Variants in HAUS7 observed in about 807,000 individuals in gnomAD.
HAUS7 encodes HAUS augmin-like complex subunit 7.
In HAUS7, 3 loss-of-function variants were observed where a neutral mutation model predicts 28.4. The observed-to-expected ratio is 0.11, with a 90% CI of 0.05 to 0.27. The LOEUF (loss-of-function observed/expected upper bound fraction) is 0.27, where lower values mean the gene tolerates loss of function less well. Ranked by LOEUF, HAUS7 falls within the 10% of genes least tolerant of loss-of-function variation. The pLI is 1.00. For missense variants in HAUS7, 284 were observed against 297.3 expected (o/e 0.96, Z 0.33); for synonymous variants, 165 against 132.1 (o/e 1.25, Z -1.71).
chrX:153,485,859 A>T (rs1408530842), intron 1 of HAUS7: 3 of 905,895 alleles, frequency 3.3e-6, no homozygotes, highest in Non-Finnish European at 2.8e-6. Flanking sequence ...ACGCTGCACC[A>T]CGACCACATC....
chrX:153,483,845 G>T (rs2089617708), intron 1 of HAUS7, among the ~76,000 whole-genome samples: 1 of 112,265 alleles, frequency 8.9e-6, no homozygotes, highest in Non-Finnish European at 1.9e-5. Flanking sequence ...GGGCAGCAGT[G>T]GTGGGGAGAG....
intron 3 of HAUS7, 66 bp downstream of exon 3, chrX:153,464,922 G>C: frequency 1.3e-6 from 1 of 765,546 alleles, no homozygotes; most frequent in Non-Finnish European, 2.0e-6. Flanking sequence ...TGGTCCAATG[G>C]AACATGCACC....
At chrX:153,484,682 T>C (rs934624223) in intron 1 of HAUS7, among the ~76,000 whole-genome samples, 1 of 112,620 alleles carries the variant, frequency 8.9e-6, no homozygotes, top group Non-Finnish European at 1.9e-5. Context: ...CCAGGACGTT[T>C]GGGTTTAATT....
At chrX:153,492,991 G>A (rs782019985) in intron 1 of HAUS7, among the ~76,000 whole-genome samples, 17 of 112,112 alleles carry the variant, frequency 1.5e-4, no homozygotes, top group Non-Finnish European at 3.0e-4. Context: ...GGCATGCCTT[G>A]AGTGGGTTTC....
chrX:153,471,145 G>A, upstream of HAUS7: 1 of 267,781 alleles, frequency 3.7e-6, no homozygotes. Flanking sequence ...CCATGCTCAC[G>A]CTGTAGTTAG....
chrX:153,481,133 G>A (rs897349019), intron 1 of HAUS7: 7 of 527,570 alleles, frequency 1.3e-5, no homozygotes, highest in African/African-American at 2.5e-5. Context: ...AAGTGCCCTC[G>A]TGTGTGGGGT....
intron 9 of HAUS7, among the ~76,000 whole-genome samples, chrX:153,448,433 T>C (rs2089194096): frequency 1.9e-5 from 2 of 103,923 alleles, no homozygotes; most frequent in African/African-American, 7.2e-5. Flanking sequence ...TTAGGAGATA[T>C]ACCTAATGTA....
At chrX:153,461,334 C>T (rs782189637) in intron 4 of HAUS7, among the ~76,000 whole-genome samples, 281 of 111,005 alleles carry the variant, frequency 2.5e-3, no homozygotes, top group Non-Finnish European at 4.4e-3. Flanking sequence ...GACAATGTGT[C>T]CATGCTGGTT....
chrX:153,477,107 C>A (rs186964195), intron 1 of HAUS7, among the ~76,000 whole-genome samples: 1,276 of 113,240 alleles, frequency 0.011, 22 homozygotes, highest in African/African-American at 0.039. Flanking sequence ...GCCAGGCCTC[C>A]ATGGGAGCTG....
At chrX:153,476,896 G>T (rs1461699248) in intron 1 of HAUS7, among the ~76,000 whole-genome samples, 1 of 112,234 alleles carries the variant, frequency 8.9e-6, no homozygotes, top group African/African-American at 3.2e-5. Context: ...TTGGGCGGGG[G>T]GGAGGGCAAG....
At chrX:153,473,575 G>A (rs1369175839), upstream of HAUS7, among the ~76,000 whole-genome samples, 2 of 112,939 alleles carry the variant, frequency 1.8e-5, no homozygotes, top group East Asian at 5.6e-4. Flanking sequence ...AGGCAAGTGT[G>A]TGCGTGTGTG....
intron 9 of HAUS7, among the ~76,000 whole-genome samples, chrX:153,449,495 T>G (rs1457755634): frequency 2.7e-5 from 3 of 112,831 alleles, no homozygotes; most frequent in Admixed American, 9.3e-5. Flanking sequence ...GCATCTGCCC[T>G]TATCAAATCG....
At chrX:153,465,480 G>A (rs961290704) in intron 2 of HAUS7, among the ~76,000 whole-genome samples, 2 of 111,755 alleles carry the variant, frequency 1.8e-5, no homozygotes, top group African/African-American at 6.5e-5. Flanking sequence ...ACTGCTCCAG[G>A]GTGGAAAACT....
rs781920909 is a variant in HAUS7, at chrX:153,494,585, C to G, written c.-589+789G>C. 8.9e-5 allele frequency among the ~76,000 whole-genome samples: 10 copies of G among 112,157 alleles called. No individual in the cohort carries two copies. The South Asian group carries it at 3.0e-3, about 33-fold the overall frequency. On this transcript the variant is annotated intron_variant, in intron 1 of 5. Coordinates refer to the HAUS7 transcript ENST00000370210. ...CCTAGCAGCCCAAGGCCGCCTCCCC[C>G]TCGTCTTTCTTCCATCTCTCTTTCC...
chrX:153,451,688 G>A (rs782450747), intron 9 of HAUS7, among the ~76,000 whole-genome samples: 2 of 112,214 alleles, frequency 1.8e-5, no homozygotes, highest in Non-Finnish European at 3.8e-5. Context: ...CATAATAGCC[G>A]GGGCAAACAA....
intron 2 of HAUS7, 108 bp from the exon 3 acceptor site, chrX:153,465,163 C>T (rs1013907311): frequency 5.3e-5 from 26 of 491,937 alleles, no homozygotes; most frequent in Non-Finnish European, 8.1e-5. Context: ...CTCAACGGCA[C>T]GGAGCGGCTC....
chrX:153,470,810 AG>A (rs1556985110), upstream of HAUS7: 9 of 428,285 alleles, frequency 2.1e-5, no homozygotes, highest in Non-Finnish European at 3.4e-5. Context: ...GACACAGGGA[AG>A]GGGGCGGGGC....
intron 1 of HAUS7, chrX:153,482,526 A>G: frequency 4.0e-6 from 3 of 744,697 alleles, no homozygotes; most frequent in Non-Finnish European, 4.8e-6. Flanking sequence ...CCCCCAGGAC[A>G]GGGGCTGGCA....
At chrX:153,481,000 C>G in intron 1 of HAUS7, 1 of 754,920 alleles carries the variant, frequency 1.3e-6, no homozygotes, top group Non-Finnish European at 1.6e-6. Flanking sequence ...AGGAGGCCCC[C>G]CAAAGGTGAG....
Sources: gnomAD v4.1 joint callset for allele counts (sites outside exome capture counted in the v4.1 genomes callset) on GRCh38, gnomAD v4.1.1 for gene constraint, MANE v1.5 for transcripts, NCBI Gene and HGNC (gene_info 2026-07-23, HGNC 2026-07-21) for gene names.